ITPR2: variants seen among roughly 807,000 people sequenced by gnomAD.
ITPR2 encodes inositol 1,4,5-trisphosphate-gated calcium channel ITPR2.
ITPR2 carries 207 observed loss-of-function variants against 317.1 expected under a neutral mutation model. That is an observed-to-expected ratio of 0.65 (90% CI 0.58 to 0.73). ITPR2 has a LOEUF of 0.73. Among genes scored for constraint, ITPR2 ranks in the 30% least tolerant of loss-of-function variants. The probability of loss-of-function intolerance (pLI) is 0.00; values close to 1 mark genes in which losing one functional copy is unlikely to be tolerated. For synonymous variants in ITPR2, 1,156 were observed against 1,149.1 expected (o/e 1.01, Z -0.12); for missense variants, 2,613 against 3,284.0 (o/e 0.80, Z 4.99).
At chr12:26,805,627 T>A (rs557140116) in intron 1 of ITPR2, among the ~76,000 whole-genome samples, 1 of 114,810 alleles carries the variant, frequency 8.7e-6, no homozygotes. Flanking sequence ...CAGGAGGGAA[T>A]GGGGAGGAGA....
At chr12:26,433,934 T>C (rs1565524199) in intron 48 of ITPR2, among the ~76,000 whole-genome samples, 1 of 152,220 alleles carries the variant, frequency 6.6e-6, no homozygotes, top group Non-Finnish European at 1.5e-5. Context: ...TTTTGCTTTC[T>C]GAATTTTCTT....
intron 45 of ITPR2, among the ~76,000 whole-genome samples, chr12:26,473,346 T>C (rs1942338254): frequency 6.6e-6 from 1 of 152,228 alleles, no homozygotes; most frequent in African/African-American, 2.4e-5. Flanking sequence ...ATTCATTGTC[T>C]GCTGGCCAAT....
intron 1 of ITPR2, among the ~76,000 whole-genome samples, chr12:26,809,024 G>T (rs1293721532): frequency 1.3e-5 from 2 of 152,154 alleles, no homozygotes; most frequent in African/African-American, 4.8e-5. Context: ...GAACATCTCA[G>T]TCTCTACTTT....
chr12:26,449,342 T>A lies in ITPR2; in HGVS notation c.6343-5692A>T, dbSNP rs1004631844. Among the ~76,000 whole-genome samples the A allele has an allele frequency of 2.4e-4, 36 of 152,280 alleles. 1 individual carries two copies. The highest frequency in any genetic ancestry group is 3.4e-3 in the Middle Eastern group (1 of 294). On this transcript the variant is annotated intron_variant, in intron 45 of 56. Transcript: ENST00000381340. Reference sequence around the variant, plus strand: ...GAAATCAGCAGAAGGGGGCAAAAACTAAGGCTTTACGTATTCTAATGTGCA... The same window carrying A: ...GAAATCAGCAGAAGGGGGCAAAAACAAAGGCTTTACGTATTCTAATGTGCA...
chr12:26,487,411 TTAATGTGTACTAA>T (rs1942698396), intron 39 of ITPR2, among the ~76,000 whole-genome samples, 160 bp from the exon 40 acceptor site: 1 of 152,218 alleles, frequency 6.6e-6, no homozygotes. Context: ...CTTGTACTAT[TTAATGTGTACTAA>T]TAATAGTTGG....
At chr12:26,512,407 T>C (rs1293704268) in intron 37 of ITPR2, among the ~76,000 whole-genome samples, 2 of 152,186 alleles carry the variant, frequency 1.3e-5, no homozygotes, top group Non-Finnish European at 1.5e-5. Flanking sequence ...CTCTGCCCTA[T>C]TGCTTATGTA....
intron 26 of ITPR2, among the ~76,000 whole-genome samples, chr12:26,609,363 T>G (rs1053264191): frequency 6.6e-6 from 1 of 152,138 alleles, no homozygotes; most frequent in Non-Finnish European, 1.5e-5. Flanking sequence ...TCCCAGCACT[T>G]TGGGAGGCTA....
intron 37 of ITPR2, among the ~76,000 whole-genome samples, chr12:26,504,900 AGAGCCTCACC>A (rs1943151137): frequency 6.6e-6 from 1 of 152,248 alleles, no homozygotes; most frequent in Non-Finnish European, 1.5e-5. Flanking sequence ...TGGATTAAAC[AGAGCCTCACC>A]GTAACACACA....
chr12:26,553,779 C>T (rs931902855), intron 36 of ITPR2, among the ~76,000 whole-genome samples: 8 of 147,310 alleles, frequency 5.4e-5, no homozygotes, highest in African/African-American at 1.0e-4. Flanking sequence ...AGCAAGACTC[C>T]GTCTCAAAAA....
intron 8 of ITPR2, among the ~76,000 whole-genome samples, 197 bp downstream of exon 8, chr12:26,715,102 C>T (rs1565712868): frequency 6.6e-6 from 1 of 151,868 alleles, no homozygotes; most frequent in Non-Finnish European, 1.5e-5. Flanking sequence ...ATGAGAGCTA[C>T]CACAGAGAAG....
chr12:26,478,926 A>T (rs188354707), intron 43 of ITPR2, among the ~76,000 whole-genome samples: 1 of 152,224 alleles, frequency 6.6e-6, no homozygotes, highest in African/African-American at 2.4e-5. Flanking sequence ...AAGCAATTAA[A>T]TTCAGGAATG....
intron 32 of ITPR2, among the ~76,000 whole-genome samples, chr12:26,587,130 A>T (rs6487562): frequency 0.96 from 145,870 of 151,704 alleles, 70,408 homozygotes; most frequent in East Asian, 1. Flanking sequence ...ATCCACTTTT[A>T]AAATATTTTT....
At chr12:26,663,896 A>G (rs1947560417) in intron 14 of ITPR2, 50 bp from the exon 15 acceptor site, 1 of 1,486,856 alleles carries the variant, frequency 6.7e-7, no homozygotes, top group South Asian at 1.3e-5. Flanking sequence ...AATGTTTTGC[A>G]ACCTTTTTTT....
chr12:26,383,478 G>A (rs1264685091), intron 55 of ITPR2, among the ~76,000 whole-genome samples: 2 of 151,362 alleles, frequency 1.3e-5, no homozygotes, highest in African/African-American at 4.9e-5. Flanking sequence ...TTGTTTGTTT[G>A]TTTGTTTGTT....
At chr12:26,411,273 C>T in intron 52 of ITPR2, 47 bp downstream of exon 52, 1 of 1,271,668 alleles carries the variant, frequency 7.9e-7, no homozygotes, top group Non-Finnish European at 1.1e-6. Flanking sequence ...CTAAATAAAA[C>T]TTCAAAGATA....
intron 1 of ITPR2, among the ~76,000 whole-genome samples, chr12:26,792,675 T>G (rs1007914385): frequency 2.6e-5 from 4 of 152,092 alleles, no homozygotes; most frequent in Non-Finnish European, 5.9e-5. Flanking sequence ...TAGAATGAGG[T>G]GCAATAGATA....
At chr12:26,580,254 T>TTAAA in intron 32 of ITPR2, 99 bp from the exon 33 acceptor site, 1 of 1,046,098 alleles carries the variant, frequency 9.6e-7, no homozygotes, top group Non-Finnish European at 1.4e-6. Flanking sequence ...TAGTTGTCAG[T>TTAAA]AACATTTCTT....
intron 10 of ITPR2, among the ~76,000 whole-genome samples, chr12:26,693,442 G>A (rs1948277652): frequency 6.6e-6 from 1 of 152,192 alleles, no homozygotes; most frequent in Admixed American, 6.5e-5. Flanking sequence ...GGTATCTGCA[G>A]AGGATTGGTT....
intron 13 of ITPR2, among the ~76,000 whole-genome samples, chr12:26,680,464 A>G (rs1396946588): frequency 6.6e-6 from 1 of 152,156 alleles, no homozygotes; most frequent in Non-Finnish European, 1.5e-5. Flanking sequence ...ACTGTTTTTT[A>G]AATTTTTTTA....
Sources: gnomAD v4.1 joint callset for allele counts (sites outside exome capture counted in the v4.1 genomes callset) on GRCh38, gnomAD v4.1.1 for gene constraint, MANE v1.5 for transcripts, NCBI Gene and HGNC (gene_info 2026-07-23, HGNC 2026-07-21) for gene names.